The following MKRN1 variants were observed in gnomAD, a reference collection of about 807,000 sequenced individuals.
MKRN1 encodes the protein makorin ring finger protein 1.
Under a neutral mutation model 55.5 loss-of-function variants are expected in MKRN1, and 9 were observed. The observed-to-expected ratio is 0.16, with a 90% CI of 0.10 to 0.28. MKRN1 has a LOEUF of 0.28. Ranked by LOEUF, MKRN1 falls within the 10% of genes least tolerant of loss-of-function variation. MKRN1 has a pLI of 1.00. For missense variants in MKRN1, 488 were observed against 626.7 expected (o/e 0.78, Z 2.36); for synonymous variants, 253 against 235.9 (o/e 1.07, Z -0.66).
Position 140,454,531 on chromosome 7 carries a change from C to T in MKRN1, c.1435G>A (p.Asp479Asn). Residue 479 changes from aspartate (D) to asparagine (N), a missense_variant, in exon 8 of 8, where the codon GAC becomes AAC. Transcript: ENST00000255977. ...LFHDELEDFY[D>N]LDL ...ACGCAAGGTTGCTATAGATCCAAGT[C>T]ATAAAAATCTTCCAGCTCATCATGA... 1 of 1,612,092 alleles carries T rather than the reference C, an allele frequency of 6.2e-7. No homozygotes were observed. Among genetic ancestry groups the T allele is most frequent in the South Asian group, 1.1e-5 (1 of 90,908 alleles).
intron 2 of MKRN1, chr7:140,460,326 T>C: frequency 7.0e-6 from 1 of 142,218 alleles, no homozygotes; most frequent in South Asian, 1.6e-4. Flanking sequence ...TTTTTTTTTT[T>C]TGAGATGGAG....
intron 1 of MKRN1, among the ~76,000 whole-genome samples, chr7:140,472,859 T>G (rs573328515): frequency 7.5e-4 from 114 of 151,818 alleles, no homozygotes; most frequent in Non-Finnish European, 1.1e-3. Flanking sequence ...GGCCCACACC[T>G]GTAATCCCAG....
chr7:140,454,668 T>C lies in MKRN1; in HGVS notation c.1298A>G (p.Asp433Gly). Residue 433 changes from aspartate to glycine, a missense_variant, in exon 8 of 8, where the codon GAC becomes GGC. Transcript: ENST00000255977. ...IEERENSNPF[D>G]NDEEEVVTFE... ...GGTGACAACCTCTTCTTCATCGTTG[T>C]CAAAGGGGTTGCTGTTCTCTCTTTC... is the stretch of plus-strand genomic sequence containing the variant. The C allele has an allele frequency of 6.2e-7, 1 of 1,613,984 alleles. No individual in the cohort carries two copies. The highest frequency in any genetic ancestry group is 8.5e-7 in the Non-Finnish European group (1 of 1,179,860).
chr7:140,460,246 C>CAAA (rs58698651), intron 2 of MKRN1: 18 of 77,234 alleles, frequency 2.3e-4, no homozygotes, highest in South Asian at 1.1e-3. Context: ...GACTCCGTCT[C>CAAA]AAAAAAAAAA....
intron 2 of MKRN1, among the ~76,000 whole-genome samples, chr7:140,465,888 T>C (rs918191497): frequency 1.3e-5 from 2 of 152,126 alleles, no homozygotes; most frequent in African/African-American, 2.4e-5. Context: ...GAGACCATCC[T>C]GGCCAACATG....
chr7:140,474,677 G>A (rs1007433401), intron 1 of MKRN1, among the ~76,000 whole-genome samples: 1 of 151,266 alleles, frequency 6.6e-6, no homozygotes, highest in Non-Finnish European at 1.5e-5. Flanking sequence ...CACTATGGAC[G>A]TCACAGCACT....
intron 4 of MKRN1, 44 bp downstream of exon 4, chr7:140,458,963 T>G (rs762096174): frequency 5.7e-6 from 9 of 1,584,444 alleles, no homozygotes; most frequent in Non-Finnish European, 7.8e-6. Flanking sequence ...GGGCAAATAA[T>G]GATTCTCACA....
At chr7:140,467,687 C>G (rs1032970877) in intron 2 of MKRN1, among the ~76,000 whole-genome samples, 1 of 152,066 alleles carries the variant, frequency 6.6e-6, no homozygotes, top group Non-Finnish European at 1.5e-5. Context: ...GGCAAAGTTG[C>G]CTGAAAAATA....
At chr7:140,478,954 G>C in intron 1 of MKRN1, 2 of 522,100 alleles carry the variant, frequency 3.8e-6, no homozygotes, top group Non-Finnish European at 5.7e-6. Context: ...CAGCGCTGAG[G>C]GCTCCGCGGC....
intron 2 of MKRN1, among the ~76,000 whole-genome samples, chr7:140,466,147 A>G (rs1415673020): frequency 1.3e-5 from 2 of 152,218 alleles, no homozygotes; most frequent in Non-Finnish European, 2.9e-5. Flanking sequence ...AAGCAGTCAT[A>G]GAGCAAGCCT....
intron 1 of MKRN1, chr7:140,474,413 G>T: frequency 2.7e-6 from 1 of 369,042 alleles, no homozygotes; most frequent in Non-Finnish European, 5.6e-6. Context: ...GGCTGAGGCA[G>T]AATTGCTTGA....
chr7:140,462,985 C>A (rs1014453668), intron 2 of MKRN1, among the ~76,000 whole-genome samples: 2 of 151,900 alleles, frequency 1.3e-5, no homozygotes, highest in African/African-American at 4.8e-5. Flanking sequence ...AAAGACTATG[C>A]GCGGTGGCTC....
chr7:140,470,347 A>G (rs1240632447), intron 2 of MKRN1, among the ~76,000 whole-genome samples: 1 of 152,058 alleles, frequency 6.6e-6, no homozygotes, highest in Non-Finnish European at 1.5e-5. Flanking sequence ...CACTTTGGGA[A>G]GCCGAACCGC....
chr7:140,463,970 T>C (rs1286230057), intron 2 of MKRN1, among the ~76,000 whole-genome samples: 3 of 152,138 alleles, frequency 2.0e-5, no homozygotes, highest in Non-Finnish European at 4.4e-5. Context: ...AGTCTCACTC[T>C]GTCACCTGGC....
chr7:140,456,111 TTC>T (rs1418379665), intron 5 of MKRN1: 15 of 1,068,826 alleles, frequency 1.4e-5, no homozygotes, highest in Admixed American at 3.8e-5. Flanking sequence ...GGCTAGCCAG[TTC>T]TTTTTTTTTT....
At chr7:140,478,877 G>A (rs528084379) in intron 1 of MKRN1, 204 of 278,524 alleles carry the variant, frequency 7.3e-4, no homozygotes, top group African/African-American at 4.2e-3. Context: ...GCAGCGCTCA[G>A]GGAAGTGTAA....
intron 2 of MKRN1, among the ~76,000 whole-genome samples, chr7:140,470,606 C>T (rs1386791644): frequency 3.3e-5 from 5 of 150,796 alleles, no homozygotes; most frequent in African/African-American, 1.2e-4. Flanking sequence ...AACAAAAAAA[C>T]CCAAACAAAC....
Position 140,479,241 on chromosome 7 carries a change from G to A in MKRN1, c.104C>T (p.Thr35Ile). 1.4e-6 allele frequency: 2 copies of A among 1,434,826 alleles called. No individual in the cohort carries two copies. Among genetic ancestry groups the A allele is most frequent in the Non-Finnish European group, 1.8e-6 (2 of 1,096,856 alleles). The allele number at this position is 1,434,826 out of a possible 1,614,324, so 88.9% of individuals were successfully genotyped here. ...TCCGCCCGCCCCCAGGGACGGGGCG[G>A]TGACTGTGGGGATCGGGGTGGGGGA... ...AASPTPIPTVTAPSLGAGGGG... is the reference protein window; with the variant it reads ...AASPTPIPTVIAPSLGAGGGG... Residue 35 changes from threonine to isoleucine, a missense_variant, in exon 1 of 8, where the codon ACC (threonine) becomes ATC (isoleucine). Around this residue, in one of 2 missense-constraint regions of MKRN1, gnomAD observed 210 missense variants for 220.0 expected, o/e 0.95. Transcript: ENST00000255977.
In MKRN1 at chr7:140,454,153, A is replaced by G. The variant is rs575997694; in HGVS notation, c.*364T>C. 2.4e-4 allele frequency: 73 copies of G among 306,402 alleles called. No individual in the cohort carries two copies. The highest frequency in any genetic ancestry group is 4.4e-4 in the Non-Finnish European group (69 of 156,474). 19.0% of individuals were successfully genotyped at this position (306,402 alleles called of 1,614,324 possible). A position where few individuals can be genotyped will look rare whatever the true frequency, so the allele number is the denominator to read the frequency against. On this transcript the variant is annotated 3_prime_UTR_variant, in exon 8 of 8. Coordinates refer to ENST00000255977, the MANE Select transcript of MKRN1 (RefSeq NM_013446.4). ...CCATCACTCCTATTCTTGGACCCCA[A>G]AGCAGGGCCACTGCTTTTACTTTTG...
Sources: allele counts gnomAD v4.1 joint callset (sites outside exome capture counted in the v4.1 genomes callset), GRCh38; gene constraint gnomAD v4.1.1; regional missense constraint gnomAD v4.1.1; transcripts MANE v1.5; gene names NCBI Gene and HGNC (gene_info 2026-07-23, HGNC 2026-07-21).